Variants in RBBP5 observed in about 807,000 individuals in gnomAD.
RBBP5 encodes RB binding protein 5, histone lysine methyltransferase complex subunit.
Under a neutral mutation model 72.2 loss-of-function variants are expected in RBBP5, and 5 were observed. The observed-to-expected ratio is 0.07, with a 90% CI of 0.04 to 0.15. RBBP5 has a LOEUF of 0.15. RBBP5 is among the 10% of genes least tolerant of loss of function. The pLI is 1.00. For missense variants in RBBP5, 322 were observed against 652.2 expected (o/e 0.49, Z 5.51); for synonymous variants, 209 against 237.2 (o/e 0.88, Z 1.09).
chr1:205,097,314 G>A lies in RBBP5; in HGVS notation c.1166+12C>T, dbSNP rs143961465. On this transcript the variant is annotated intron_variant, in intron 11 of 13. Coordinates refer to ENST00000264515, the MANE Select transcript of RBBP5 (RefSeq NM_005057.4). ...CAGTAGCCAAGGTGCCCAGCCTTCC[G>A]GGCCGGCTCACCTGCTACAGAAGGC... 661 of 1,551,500 alleles carry A rather than the reference G, an allele frequency of 4.3e-4. 2 individuals carry two copies. The highest frequency in any genetic ancestry group is 5.5e-4 in the Non-Finnish European group (632 of 1,146,826).
Position 205,094,982 on chromosome 1 carries a change from T to C in RBBP5, c.1479A>G (p.Lys493=). The change falls in exon 13 of 14, where the codon AAA becomes AAG. Residue 493 remains lysine (K), a synonymous_variant. Transcript: ENST00000264515. ...QAGRPKGSKG[K]EKDSPFKPKL... ...TCGGTTTAAATGGAGAATCTTTCTC[T>C]TTACCTTTTGATCCTTTAGGCCGGC... 1 of 1,614,126 alleles carries C rather than the reference T, an allele frequency of 6.2e-7. No homozygotes were observed. The highest frequency in any genetic ancestry group is 8.5e-7 in the Non-Finnish European group (1 of 1,180,022).
At chr1:205,090,179 T>C (rs1655288548) in intron 13 of RBBP5, among the ~76,000 whole-genome samples, 1 of 152,182 alleles carries the variant, frequency 6.6e-6, no homozygotes, top group Admixed American at 6.5e-5. Flanking sequence ...AAACTTCCTG[T>C]GATAGAAAAA....
intron 3 of RBBP5, among the ~76,000 whole-genome samples, chr1:205,106,490 G>T (rs770369025): frequency 2.0e-5 from 3 of 152,084 alleles, no homozygotes; most frequent in Non-Finnish European, 4.4e-5. Context: ...CCAGCTACTC[G>T]GGAGGCTTGA....
chr1:205,089,549 G>C (rs893532098), intron 13 of RBBP5, among the ~76,000 whole-genome samples: 1 of 152,192 alleles, frequency 6.6e-6, no homozygotes, highest in African/African-American at 2.4e-5. Context: ...CATGCCACTT[G>C]AAGGTATAAT....
chr1:205,091,249 G>A (rs539409814), intron 13 of RBBP5: 5 of 152,272 alleles, frequency 3.3e-5, no homozygotes, highest in Non-Finnish European at 5.9e-5. Flanking sequence ...GGCAATCCTT[G>A]AGCAATCACA....
chr1:205,086,673 A>C lies in RBBP5; in HGVS notation c.*2114T>G, dbSNP rs981329492. On this transcript the variant is annotated 3_prime_UTR_variant, in exon 14 of 14. Transcript: ENST00000264515. ...GAAGGTTTTTTAAAAGTTGAAAAAA[A>C]AATTCCAAAAACATAAATAATTATT... is the stretch of plus-strand genomic sequence containing the variant. 3.3e-5 allele frequency: 5 copies of C among 152,230 alleles called. No homozygotes were observed. Among genetic ancestry groups the C allele is most frequent in the Admixed American group, 3.3e-4 (5 of 15,284 alleles). 9.4% of individuals were successfully genotyped at this position (152,230 alleles called of 1,614,324 possible). A position where few individuals can be genotyped will look rare whatever the true frequency, so the allele number is the denominator to read the frequency against.
In RBBP5 at chr1:205,099,921, A is replaced by G. The variant is rs768377046; in HGVS notation, c.896T>C (p.Leu299Ser). 6.2e-7 allele frequency: 1 copy of G among 1,614,160 alleles called. No homozygotes were observed. Among genetic ancestry groups the G allele is most frequent in the Non-Finnish European group, 8.5e-7 (1 of 1,180,006 alleles). The change falls in exon 8 of 14, where the codon TTG (leucine) becomes TCG (serine). Residue 299 changes from leucine (L) to serine (S), a missense_variant. Physicochemically the swap from Leu to Ser is moderately radical, Grantham distance 145 (BLOSUM62 -2). Coordinates refer to ENST00000264515, the MANE Select transcript of RBBP5 (RefSeq NM_005057.4). The surrounding 1 kb of genome is among the most constrained non-coding windows in gnomAD (Gnocchi z 4.7). ...ILHGTRGELL[L>S]DVAWHPVRPI... ...TCCTAATGTACTCACAGCTACATCC[A>G]AGAGGAGTTCTCCTCTCGTCCCATG...
At chr1:205,102,908 G>A (rs1330230775) in intron 5 of RBBP5, among the ~76,000 whole-genome samples, 2 of 151,440 alleles carry the variant, frequency 1.3e-5, no homozygotes, top group Non-Finnish European at 1.5e-5. Context: ...CAGGAGAATC[G>A]CTGGAACCCG....
chr1:205,098,939 A>T (rs763940111), intron 10 of RBBP5, 50 bp downstream of exon 10: 7 of 1,198,868 alleles, frequency 5.8e-6, no homozygotes, highest in Non-Finnish European at 6.9e-6. Context: ...TATTAAGTAA[A>T]GCAATCATTT....
chr1:205,092,741 CTTGT>C (rs1459528724), intron 13 of RBBP5, among the ~76,000 whole-genome samples: 5 of 150,928 alleles, frequency 3.3e-5, no homozygotes, highest in Non-Finnish European at 7.4e-5. Flanking sequence ...AAGGTTTTTT[CTTGT>C]TTGTTTGATT....
At chr1:205,118,563 A>T (rs1656617818) in intron 1 of RBBP5, among the ~76,000 whole-genome samples, 1 of 152,192 alleles carries the variant, frequency 6.6e-6, no homozygotes, top group Admixed American at 6.5e-5. Flanking sequence ...CAATGAGCCA[A>T]GATCGCCAAG....
At chr1:205,089,490 G>A (rs535690845) in intron 13 of RBBP5, among the ~76,000 whole-genome samples, 1 of 152,322 alleles carries the variant, frequency 6.6e-6, no homozygotes, top group East Asian at 1.9e-4. Flanking sequence ...TGTAAAAAGA[G>A]AAGAAGGTGA....
chr1:205,086,972 G>A lies in RBBP5; in HGVS notation c.*1815C>T, dbSNP rs1655161812. On this transcript the variant is annotated 3_prime_UTR_variant, in exon 14 of 14. Coordinates refer to ENST00000264515, the MANE Select transcript of RBBP5 (RefSeq NM_005057.4). Reference sequence around the variant, plus strand: ...TCAACCACTGGTCTAACTCATGACAGTCTCAAAATGAATATTTAAGAAAAA... The same window carrying A: ...TCAACCACTGGTCTAACTCATGACAATCTCAAAATGAATATTTAAGAAAAA... 6.6e-6 allele frequency: 1 copy of A among 152,238 alleles called. No homozygotes were observed. Among genetic ancestry groups the A allele is most frequent in the Admixed American group, 6.5e-5 (1 of 15,286 alleles). The allele number at this position is 152,238 out of a possible 1,614,324, so 9.4% of individuals were successfully genotyped here.
At chr1:205,100,976 C>T (rs1655796432) in intron 6 of RBBP5, among the ~76,000 whole-genome samples, 1 of 152,166 alleles carries the variant, frequency 6.6e-6, no homozygotes, top group Non-Finnish European at 1.5e-5. Context: ...GGTCCGTGCT[C>T]CTATGAGAAT....
In RBBP5 at chr1:205,100,175, C is replaced by T; in HGVS notation, c.729G>A (p.Gln243=). 6.2e-7 allele frequency: 1 copy of T among 1,614,212 alleles called. No individual in the cohort carries two copies. Among genetic ancestry groups the T allele is most frequent in the African/African-American group, 1.3e-5 (1 of 75,062 alleles). Residue 243 remains glutamine, a synonymous_variant, in exon 7 of 14, where the codon CAG becomes CAA. Coordinates refer to ENST00000264515, the MANE Select transcript of RBBP5 (RefSeq NM_005057.4). The part of the protein sequence containing the change: ...CGRDGEPEPM[Q]KLQDLVNRTP... ...ACCTATTCACCAAATCCTGCAATTTCTGCATAGGTTCAGGCTCTCCATCTC... is the reference window on the plus strand; with the variant it reads ...ACCTATTCACCAAATCCTGCAATTTTTGCATAGGTTCAGGCTCTCCATCTC...
chr1:205,094,315 G>A (rs554480067), intron 13 of RBBP5, among the ~76,000 whole-genome samples: 5 of 152,244 alleles, frequency 3.3e-5, no homozygotes, highest in African/African-American at 1.2e-4. Context: ...TCCTTAACAC[G>A]ATGGTACTAA....
intron 3 of RBBP5, among the ~76,000 whole-genome samples, chr1:205,111,281 G>A (rs1656305449): frequency 6.6e-6 from 1 of 152,124 alleles, no homozygotes; most frequent in Admixed American, 6.5e-5. Context: ...CCATTCATCC[G>A]ACAAGTATCT....
intron 5 of RBBP5, 25 bp from the exon 6 acceptor site, chr1:205,101,734 A>C (rs761400822): frequency 6.6e-6 from 10 of 1,511,116 alleles, no homozygotes; most frequent in Non-Finnish European, 9.2e-6. Context: ...AGGGGGGAAA[A>C]AAGTAAGTGT....
chr1:205,090,165 T>TA (rs1655288034), intron 13 of RBBP5, among the ~76,000 whole-genome samples: 2 of 152,204 alleles, frequency 1.3e-5, no homozygotes, highest in East Asian at 3.8e-4. Context: ...CATTGATTTT[T>TA]AAAAAACTTC....
Sources: gnomAD v4.1 joint callset for allele counts (sites outside exome capture counted in the v4.1 genomes callset) on GRCh38, gnomAD v4.1.1 for gene constraint, Gnocchi (gnomAD v3.1) non-coding constraint, MANE v1.5 for transcripts, NCBI Gene and HGNC (gene_info 2026-07-23, HGNC 2026-07-21) for gene names.